The following ENTREP2 variants were observed in gnomAD, a reference collection of about 807,000 sequenced individuals.
ENTREP2 encodes endosomal transmembrane epsin interactor 2.
chr15:29,407,829 C>T, the ENTREP2 span, among the ~76,000 whole-genome samples: 36 of 149,902 alleles, frequency 2.4e-4, no homozygotes, highest in Admixed American at 6.7e-4. Flanking sequence ...GCACACCCCA[C>T]TAATTTTTTG....
chr15:29,396,164 T>C, the ENTREP2 span, among the ~76,000 whole-genome samples: 1 of 152,274 alleles, frequency 6.6e-6, no homozygotes, highest in South Asian at 2.1e-4. Flanking sequence ...ATACAGCACA[T>C]TATTATTAAG....
the ENTREP2 span, among the ~76,000 whole-genome samples, chr15:29,469,575 G>A: frequency 4.6e-5 from 7 of 152,252 alleles, no homozygotes; most frequent in South Asian, 1.5e-3. Context: ...CCATGGCGGG[G>A]GAGGGGAAAT....
chr15:29,653,105 G>A, the ENTREP2 span, among the ~76,000 whole-genome samples: 2 of 152,146 alleles, frequency 1.3e-5, no homozygotes, highest in Non-Finnish European at 2.9e-5. Context: ...AGGGCCAACT[G>A]GGAGTCCATA....
At chr15:29,481,696 A>C in the ENTREP2 span, among the ~76,000 whole-genome samples, 77,490 of 151,978 alleles carry the variant, frequency 0.51, 20,969 homozygotes, top group African/African-American at 0.71. Flanking sequence ...TAAGGCCATA[A>C]GGAAAAGAGC....
At chr15:29,570,455 C>T in the ENTREP2 span, 1 of 1,162,428 alleles carries the variant, frequency 8.6e-7, no homozygotes, top group Non-Finnish European at 1.1e-6. Flanking sequence ...CTAGCCCCCC[C>T]GGCCCGCGCA....
chr15:29,568,507 G>T, the ENTREP2 span, among the ~76,000 whole-genome samples: 1 of 151,830 alleles, frequency 6.6e-6, no homozygotes, highest in Non-Finnish European at 1.5e-5. Flanking sequence ...AATCCAGCCT[G>T]GGCAACATAA....
At chr15:29,635,207 C>T in the ENTREP2 span, among the ~76,000 whole-genome samples, 1 of 152,268 alleles carries the variant, frequency 6.6e-6, no homozygotes, top group East Asian at 1.9e-4. Context: ...ATCAACTCAA[C>T]CTCCACGTTG....
chr15:29,162,897 G>C, the ENTREP2 span, among the ~76,000 whole-genome samples: 1 of 152,044 alleles, frequency 6.6e-6, no homozygotes, highest in African/African-American at 2.4e-5. Flanking sequence ...GAGCCCTCAC[G>C]AAGTCCACTG....
the ENTREP2 span, among the ~76,000 whole-genome samples, chr15:29,642,108 T>G: frequency 6.6e-6 from 1 of 152,108 alleles, no homozygotes; most frequent in South Asian, 2.1e-4. Flanking sequence ...CCAGCTGACT[T>G]ATTTGCAAAA....
At chr15:29,473,742 G>T in the ENTREP2 span, among the ~76,000 whole-genome samples, 1 of 152,192 alleles carries the variant, frequency 6.6e-6, no homozygotes. Context: ...TTGGACACCG[G>T]CTGTCCTCAG....
chr15:29,251,307 T>C, the ENTREP2 span, among the ~76,000 whole-genome samples: 1 of 152,210 alleles, frequency 6.6e-6, no homozygotes, highest in African/African-American at 2.4e-5. Flanking sequence ...AGTATATTCA[T>C]ACCAGAATGC....
the ENTREP2 span, chr15:29,234,789 C>T: frequency 6.7e-7 from 1 of 1,485,714 alleles, no homozygotes; most frequent in Non-Finnish European, 9.4e-7. Context: ...ATTACTCCAT[C>T]TCCAGAGCAG....
At chr15:29,640,693 G>A in the ENTREP2 span, among the ~76,000 whole-genome samples, 7,036 of 138,596 alleles carry the variant, frequency 0.051, 186 homozygotes, top group South Asian at 0.066. Flanking sequence ...AAAAAGAAAA[G>A]AAAAGAAAAA....
the ENTREP2 span, among the ~76,000 whole-genome samples, chr15:29,558,760 TC>T: frequency 5.2e-5 from 1 of 19,096 alleles, no homozygotes; most frequent in Non-Finnish European, 1.1e-4. Flanking sequence ...CTCTTCCTCC[TC>T]CTCCTCAGCC....
the ENTREP2 span, among the ~76,000 whole-genome samples, chr15:29,555,820 T>TG: frequency 6.6e-6 from 1 of 152,204 alleles, no homozygotes; most frequent in African/African-American, 2.4e-5. Flanking sequence ...CCCCATGACC[T>TG]GGGGGTCAGA....
At chr15:29,496,131 G>A in the ENTREP2 span, among the ~76,000 whole-genome samples, 2 of 151,608 alleles carry the variant, frequency 1.3e-5, no homozygotes, top group African/African-American at 4.8e-5. Flanking sequence ...CCTTATTTAA[G>A]CTTATTTATG....
chr15:29,212,594 T>C, the ENTREP2 span, among the ~76,000 whole-genome samples: 1 of 152,236 alleles, frequency 6.6e-6, no homozygotes, highest in Non-Finnish European at 1.5e-5. Flanking sequence ...CAGTTTGTGC[T>C]CTTTCAGTCT....
At chr15:29,419,376 T>C in the ENTREP2 span, among the ~76,000 whole-genome samples, 8 of 151,066 alleles carry the variant, frequency 5.3e-5, no homozygotes, top group Non-Finnish European at 1.2e-4. Context: ...TAACAGCAAA[T>C]TAGATACAGA....
the ENTREP2 span, chr15:29,269,631 T>G: frequency 1.5e-5 from 24 of 1,571,878 alleles, no homozygotes; most frequent in Non-Finnish European, 1.9e-5. Flanking sequence ...CCCCGGGGTT[T>G]CCGCTATGGC....
Sources: allele counts gnomAD v4.1 joint callset (sites outside exome capture counted in the v4.1 genomes callset), GRCh38; gene constraint gnomAD v4.1.1; transcripts MANE v1.5; gene names NCBI Gene and HGNC (gene_info 2026-07-23, HGNC 2026-07-21).